The following MEF2A variants were observed in gnomAD, a reference collection of about 807,000 sequenced individuals.
MEF2A encodes myocyte-specific enhancer factor 2A.
Under a neutral mutation model 55.8 loss-of-function variants are expected in MEF2A, and 28 were observed. That is an observed-to-expected ratio of 0.50 (90% CI 0.37 to 0.69). MEF2A has a LOEUF of 0.69. Ranked by LOEUF, MEF2A falls within the 30% of genes least tolerant of loss-of-function variation. The pLI is 0.00. For synonymous variants in MEF2A, 239 were observed against 227.1 expected, an observed-to-expected ratio of 1.05 and a Z score of -0.47; for missense variants, 528 against 626.2, an observed-to-expected ratio of 0.84 and a Z score of 1.67.
At chr15:99,634,694 G>A (rs773667056) in intron 3 of MEF2A, among the ~76,000 whole-genome samples, 10 of 152,092 alleles carry the variant, frequency 6.6e-5, no homozygotes, top group Non-Finnish European at 1.3e-4. Flanking sequence ...TGACGGTAAT[G>A]GAACTTTCTG....
At chr15:99,586,087 C>T (rs1967146956) in intron 1 of MEF2A, among the ~76,000 whole-genome samples, 1 of 151,902 alleles carries the variant, frequency 6.6e-6, no homozygotes, top group Non-Finnish European at 1.5e-5. Context: ...TTGCTGTTTG[C>T]CTTTCATGGA....
At chr15:99,576,964 A>T (rs1401823843) in intron 1 of MEF2A, among the ~76,000 whole-genome samples, 1 of 152,178 alleles carries the variant, frequency 6.6e-6, no homozygotes, top group Non-Finnish European at 1.5e-5. Context: ...TTAGTTTTTA[A>T]CTTAAAAATT....
intron 1 of MEF2A, among the ~76,000 whole-genome samples, chr15:99,571,759 T>TAAA (rs1444521947): frequency 6.6e-6 from 1 of 152,092 alleles, no homozygotes; most frequent in East Asian, 1.9e-4. Flanking sequence ...AACCCTGGTG[T>TAAA]CTCTGCTGGC....
At chr15:99,576,676 T>C (rs1964381125) in intron 1 of MEF2A, among the ~76,000 whole-genome samples, 1 of 151,706 alleles carries the variant, frequency 6.6e-6, no homozygotes, top group South Asian at 2.1e-4. Flanking sequence ...AATCTTACTC[T>C]GTCACCCAGG....
intron 2 of MEF2A, among the ~76,000 whole-genome samples, chr15:99,627,550 T>G (rs559048928): frequency 2.6e-5 from 4 of 152,232 alleles, no homozygotes; most frequent in African/African-American, 9.6e-5. Flanking sequence ...GAAAAGTGTA[T>G]TTTTACATCA....
chr15:99,583,427 A>C (rs1022403850), intron 1 of MEF2A, among the ~76,000 whole-genome samples: 22 of 152,278 alleles, frequency 1.4e-4, no homozygotes, highest in African/African-American at 5.3e-4. Flanking sequence ...AACCAAAGTC[A>C]TGCATATTTG....
At chr15:99,705,709 T>C (rs1219813778) in intron 9 of MEF2A, among the ~76,000 whole-genome samples, 16 of 152,334 alleles carry the variant, frequency 1.1e-4, no homozygotes, top group African/African-American at 3.8e-4. Flanking sequence ...CTTTTGAAAA[T>C]TGTGATAGAG....
At chr15:99,631,080 T>C (rs1470769793) in intron 2 of MEF2A, among the ~76,000 whole-genome samples, 3 of 152,352 alleles carry the variant, frequency 2.0e-5, no homozygotes, top group East Asian at 1.9e-4. Flanking sequence ...TTTTCTTTTC[T>C]AGTTGTTCTC....
chr15:99,671,323 A>C lies in MEF2A; in HGVS notation c.259A>C (p.Thr87Pro). 2 of 1,595,184 alleles carry C rather than the reference A, an allele frequency of 1.3e-6. No homozygotes were observed. The highest frequency in any genetic ancestry group is 1.7e-6 in the Non-Finnish European group (2 of 1,168,622). Residue 87 changes from threonine (T) to proline (P), a missense_variant and splice_region_variant, in exon 5 of 12, where the codon ACT becomes CCT. Transcript: ENST00000557942. ...TGTGAATTTTCCAATTGTATTTCAG[A>C]CTTTAAGAAAGAAAGGCCTTAATGG... is the stretch of plus-strand genomic sequence containing the variant. ...ESRTNSDIVE[T>P]LRKKGLNGCE...
intron 3 of MEF2A, among the ~76,000 whole-genome samples, chr15:99,635,884 A>G (rs916462999): frequency 6.6e-6 from 1 of 152,184 alleles, no homozygotes; most frequent in African/African-American, 2.4e-5. Flanking sequence ...TGAAGACTGT[A>G]ATTTTGAATA....
At chr15:99,640,126 T>G (rs1407559596) in intron 3 of MEF2A, among the ~76,000 whole-genome samples, 1 of 152,226 alleles carries the variant, frequency 6.6e-6, no homozygotes, top group African/African-American at 2.4e-5. Flanking sequence ...GGTAAATATG[T>G]ATTCTTTGAT....
intron 1 of MEF2A, among the ~76,000 whole-genome samples, chr15:99,588,941 T>C (rs1300049408): frequency 6.6e-6 from 1 of 152,194 alleles, no homozygotes. Flanking sequence ...TTTCTTTACA[T>C]ATTTTGCTGG....
intron 4 of MEF2A, among the ~76,000 whole-genome samples, chr15:99,648,350 C>T (rs12101528): frequency 0.033 from 5,083 of 152,016 alleles, 298 homozygotes; most frequent in African/African-American, 0.11. Context: ...TTCTTCCTAC[C>T]CATATTTTTA....
intron 7 of MEF2A, among the ~76,000 whole-genome samples, chr15:99,676,605 T>A (rs904896335): frequency 6.6e-6 from 1 of 151,074 alleles, no homozygotes; most frequent in Non-Finnish European, 1.5e-5. Flanking sequence ...GGAGTCTCGC[T>A]CTTGTCGCCC....
At position 99,716,351 on chromosome 15, in the gene MEF2A, G is replaced by C; in HGVS notation, c.*3580G>C. The C allele has an allele frequency of 2.8e-6, 1 of 352,816 alleles. No homozygotes were observed. Among genetic ancestry groups the C allele is most frequent in the South Asian group, 2.2e-5 (1 of 46,324 alleles). The allele number at this position is 352,816 out of a possible 1,614,324, so 21.9% of individuals were successfully genotyped here. On this transcript the variant is annotated 3_prime_UTR_variant, in exon 12 of 12. Coordinates refer to ENST00000557942, the MANE Select transcript of MEF2A (RefSeq NM_001319206.4). Reference sequence around the variant, plus strand: ...AATAAGTTAATCTCAATTTTTCCCTGAATGTGTTGTTTTTCTTCATTATAC... The same window carrying C: ...AATAAGTTAATCTCAATTTTTCCCTCAATGTGTTGTTTTTCTTCATTATAC...
rs1173509227 is a variant in MEF2A at position 99,714,070 on chromosome 15, G to A, written c.*1299G>A. ...GTTTTTTCAGAGGATTGTATAAAGGGGTTTCTCCCCTCACTGGTGGTGAAT... is the reference window on the plus strand; with the variant it reads ...GTTTTTTCAGAGGATTGTATAAAGGAGTTTCTCCCCTCACTGGTGGTGAAT... On this transcript the variant is annotated 3_prime_UTR_variant, in exon 12 of 12. Transcript: ENST00000557942. 1.3e-5 allele frequency: 2 copies of A among 152,058 alleles called. No individual in the cohort carries two copies. The highest frequency in any genetic ancestry group is 1.9e-4 in the East Asian group (1 of 5,192). 9.4% of individuals were successfully genotyped at this position (152,058 alleles called of 1,614,324 possible).
intron 7 of MEF2A, among the ~76,000 whole-genome samples, chr15:99,680,917 C>G (rs886317690): frequency 4.6e-5 from 7 of 152,224 alleles, no homozygotes; most frequent in East Asian, 3.9e-4. Flanking sequence ...TTTCCATTGT[C>G]ATCTGTGCAA....
intron 2 of MEF2A, among the ~76,000 whole-genome samples, chr15:99,623,055 T>A (rs1042380082): frequency 2.0e-5 from 3 of 152,160 alleles, no homozygotes; most frequent in Non-Finnish European, 4.4e-5. Context: ...AGTGACACCC[T>A]CCTCTTGACC....
intron 2 of MEF2A, among the ~76,000 whole-genome samples, chr15:99,602,655 T>G (rs12910803): frequency 0.016 from 1,146 of 73,366 alleles, 9 homozygotes; most frequent in East Asian, 0.032. Flanking sequence ...ATTCCTGGGG[T>G]GTGTGTGTGT....
Sources: allele counts gnomAD v4.1 joint callset (sites outside exome capture counted in the v4.1 genomes callset), GRCh38; gene constraint gnomAD v4.1.1; transcripts MANE v1.5; gene names NCBI Gene and HGNC (gene_info 2026-07-23, HGNC 2026-07-21).